P3H2: variants seen among roughly 807,000 people sequenced by gnomAD.
P3H2 encodes the protein prolyl 3-hydroxylase 2, also known as leprecan-like 1.
In P3H2, 80 loss-of-function variants were observed where a neutral mutation model predicts 87.0. That is an observed-to-expected ratio of 0.92 (90% CI 0.77 to 1.11). P3H2 has a LOEUF of 1.11. Ranked by LOEUF, P3H2 falls within the 50% of genes least tolerant of loss-of-function variation. The pLI, the probability that P3H2 is intolerant of heterozygous loss-of-function variation, is 0.00. For missense variants in P3H2, 1,001 were observed against 923.9 expected, an observed-to-expected ratio of 1.08 and a Z score of -1.08; for synonymous variants, 367 against 359.3, an observed-to-expected ratio of 1.02 and a Z score of -0.24.
At chr3:189,974,309 C>T (rs1396544683) in intron 9 of P3H2, 2 of 608,570 alleles carry the variant, frequency 3.3e-6, no homozygotes, top group African/African-American at 3.7e-5. Context: ...ATATGATAGG[C>T]AGGGACCTTG....
At chr3:190,048,500 A>T (rs539788357) in intron 1 of P3H2, among the ~76,000 whole-genome samples, 9 of 152,254 alleles carry the variant, frequency 5.9e-5, no homozygotes, top group Non-Finnish European at 1.0e-4. Flanking sequence ...GCCAAAAAAT[A>T]GTTTTGAAAA....
intron 1 of P3H2, among the ~76,000 whole-genome samples, chr3:190,118,646 A>G (rs1398164113): frequency 1.3e-5 from 2 of 151,944 alleles, no homozygotes; most frequent in Non-Finnish European, 2.9e-5. Flanking sequence ...CCACAACACA[A>G]GGAAGTTAAG....
chr3:189,996,226 T>C (rs1724048176), intron 1 of P3H2, among the ~76,000 whole-genome samples: 1 of 152,152 alleles, frequency 6.6e-6, no homozygotes, highest in East Asian at 1.9e-4. Context: ...CATCAGCAGA[T>C]GAATGGATAA....
chr3:190,111,511 T>C (rs1318589306), intron 1 of P3H2, among the ~76,000 whole-genome samples: 2 of 152,010 alleles, frequency 1.3e-5, no homozygotes, highest in Non-Finnish European at 2.9e-5. Flanking sequence ...GATAGGGTGG[T>C]AAAGGGTGGG....
At chr3:190,067,048 T>G (rs1726535822) in intron 1 of P3H2, among the ~76,000 whole-genome samples, 1 of 151,476 alleles carries the variant, frequency 6.6e-6, no homozygotes, top group Non-Finnish European at 1.5e-5. Flanking sequence ...TCTTGTTTTG[T>G]TGCCCAGCCT....
At chr3:190,011,100 T>G (rs1724572325) in intron 1 of P3H2, among the ~76,000 whole-genome samples, 1 of 151,954 alleles carries the variant, frequency 6.6e-6, no homozygotes, top group Non-Finnish European at 1.5e-5. Flanking sequence ...TGAAACCCCT[T>G]TAGTCTCTAC....
chr3:190,096,408 C>T (rs547238743), intron 1 of P3H2, among the ~76,000 whole-genome samples: 11 of 152,256 alleles, frequency 7.2e-5, no homozygotes, highest in African/African-American at 2.4e-4. Context: ...CTCTCTCCTG[C>T]TTTGCCACGG....
At chr3:189,971,119 T>C (rs1012103710) in intron 12 of P3H2, among the ~76,000 whole-genome samples, 1 of 152,256 alleles carries the variant, frequency 6.6e-6, no homozygotes, top group African/African-American at 2.4e-5. Context: ...TGTAATCATA[T>C]GTCAAAGCTT....
intron 1 of P3H2, among the ~76,000 whole-genome samples, chr3:190,011,138 G>A (rs191784410): frequency 6.0e-4 from 91 of 152,204 alleles, no homozygotes; most frequent in Admixed American, 2.2e-3. Flanking sequence ...AACTGGGCAT[G>A]GTGGCACGCA....
chr3:190,007,060 C>T (rs1328958810), intron 1 of P3H2, among the ~76,000 whole-genome samples: 7 of 152,144 alleles, frequency 4.6e-5, no homozygotes, highest in East Asian at 3.9e-4. Flanking sequence ...AACTAAAATA[C>T]GTGAGGTAAA....
chr3:190,003,851 G>A (rs1214152041), intron 1 of P3H2, among the ~76,000 whole-genome samples: 2 of 152,164 alleles, frequency 1.3e-5, no homozygotes, highest in Admixed American at 6.5e-5. Context: ...AATGGTTACC[G>A]AAAAGCAGTG....
intron 2 of P3H2, 58 bp downstream of exon 2, chr3:189,995,232 G>A: frequency 6.4e-7 from 1 of 1,550,576 alleles, no homozygotes; most frequent in Non-Finnish European, 8.9e-7. Flanking sequence ...CTGTGACTCA[G>A]ATGAAACTTA....
At chr3:190,017,916 T>C (rs897082443) in intron 1 of P3H2, among the ~76,000 whole-genome samples, 7 of 152,214 alleles carry the variant, frequency 4.6e-5, no homozygotes, top group African/African-American at 1.7e-4. Flanking sequence ...TAGACACATA[T>C]GTCTCTGTAT....
At chr3:190,117,203 C>T (rs710594) in intron 1 of P3H2, among the ~76,000 whole-genome samples, 41,875 of 152,066 alleles carry the variant, frequency 0.28, 5,844 homozygotes, top group African/African-American at 0.33. Flanking sequence ...TTCTATTAAA[C>T]ATTTAGAAAC....
At chr3:190,097,220 A>G (rs372315871) in intron 1 of P3H2, among the ~76,000 whole-genome samples, 58 of 150,532 alleles carry the variant, frequency 3.9e-4, no homozygotes, top group African/African-American at 1.4e-3. Context: ...AGGAGAATCA[A>G]TGTGAAACTG....
rs1553872129 is a variant in P3H2, at chr3:189,973,037, A to AAC, written c.1549-15_1549-14dup. 6.5e-4 allele frequency: 1,033 copies of AAC among 1,589,284 alleles called. No homozygotes were observed. Among genetic ancestry groups the AAC allele is most frequent in the Admixed American group, 1.6e-3 (93 of 57,630 alleles). ...CTTCATAACCAGACTGAAAAAAAAAAACAAAACATGAGAAACAAATGGGTT... is the reference window on the plus strand; with the variant it reads ...CTTCATAACCAGACTGAAAAAAAAAAACACAAAACATGAGAAACAAATGGGTT... On this transcript the variant is annotated splice_polypyrimidine_tract_variant and intron_variant, in intron 10 of 14. Transcript: ENST00000319332.
chr3:189,969,428 G>C, intron 13 of P3H2: 1 of 820,888 alleles, frequency 1.2e-6, no homozygotes, highest in Admixed American at 1.9e-5. Context: ...TCTCTCGTTT[G>C]GGGGCTTGGC....
chr3:189,994,033 C>T (rs914596389), intron 3 of P3H2, 61 bp downstream of exon 3: 25 of 1,310,786 alleles, frequency 1.9e-5, no homozygotes, highest in Non-Finnish European at 2.2e-6. Context: ...TAGTTTTTTA[C>T]AAATTGCAAG....
chr3:190,101,348 A>AG (rs999406292), intron 1 of P3H2, among the ~76,000 whole-genome samples: 9 of 133,280 alleles, frequency 6.8e-5, no homozygotes, highest in African/African-American at 2.6e-4. Flanking sequence ...TTCTTGCATC[A>AG]GTTCACCAAA....
Sources: gnomAD v4.1 joint callset for allele counts (sites outside exome capture counted in the v4.1 genomes callset) on GRCh38, gnomAD v4.1.1 for gene constraint, MANE v1.5 for transcripts, NCBI Gene and HGNC (gene_info 2026-07-23, HGNC 2026-07-21) for gene names.